Variants in CRISPLD2 observed in about 807,000 individuals in gnomAD.
The protein encoded by CRISPLD2 is cysteine-rich secretory protein LCCL domain-containing 2.
A neutral mutation model predicts 71.1 loss-of-function variants in CRISPLD2; 47 were observed. The observed-to-expected ratio is 0.66, with a 90% CI of 0.52 to 0.84. The LOEUF (loss-of-function observed/expected upper bound fraction) is 0.84. Ranked by LOEUF, CRISPLD2 falls within the 40% of genes least tolerant of loss-of-function variation. CRISPLD2 has a pLI of 0.00. For synonymous variants in CRISPLD2, 317 were observed against 250.1 expected, an observed-to-expected ratio of 1.27 and a Z score of -2.52; for missense variants, 830 against 651.1, an observed-to-expected ratio of 1.27 and a Z score of -2.99.
At chr16:84,834,980 T>G (rs538380222) in intron 1 of CRISPLD2, among the ~76,000 whole-genome samples, 72 of 152,288 alleles carry the variant, frequency 4.7e-4, no homozygotes, top group African/African-American at 1.7e-3. Context: ...GTGTGTGAGT[T>G]TGGGGAAAAC....
At chr16:84,873,503 C>CAAAAAAAAAAAAAAAAAA (rs1333411767) in intron 10 of CRISPLD2, 1 of 88,668 alleles carries the variant, frequency 1.1e-5, no homozygotes, top group Non-Finnish European at 2.0e-5. Flanking sequence ...AAAACAACAA[C>CAAAAAAAAAAAAAAAAAA]AACAAAAAAA....
chr16:84,898,290 C>T (rs1017701553), intron 14 of CRISPLD2, among the ~76,000 whole-genome samples: 1 of 152,230 alleles, frequency 6.6e-6, no homozygotes, highest in Non-Finnish European at 1.5e-5. Context: ...GGCTCCCCCG[C>T]CAGTGGCTTT....
Position 84,872,452 on chromosome 16 carries a change from C to T in CRISPLD2, c.925C>T (p.Pro309Ser), listed in dbSNP as rs564309410. Residue 309 changes from proline to serine, a missense_variant, in exon 9 of 15, where the codon CCA (proline) becomes TCA (serine). By Grantham distance (74) the Pro-to-Ser change is moderately conservative (BLOSUM62 -1). Transcript: ENST00000262424. Reference sequence around the variant, plus strand: ...TTTCTTCCTCGTCAGGTACCAGTGCCCAGCAGGCTGCCTGAACCACAAGGC... The same window carrying T: ...TTTCTTCCTCGTCAGGTACCAGTGCTCAGCAGGCTGCCTGAACCACAAGGC... ...KGSTCNRYQC[P>S]AGCLNHKAKI... 1 of 1,613,838 alleles carries T rather than the reference C, an allele frequency of 6.2e-7. No individual in the cohort carries two copies. The highest frequency in any genetic ancestry group is 2.2e-5 in the East Asian group (1 of 44,872).
At chr16:84,873,503 C>CAAAAAAAAAAAAAAAAAAAAAAAAAAAA (rs1333411767) in intron 10 of CRISPLD2, 6 of 88,650 alleles carry the variant, frequency 6.8e-5, no homozygotes, top group Non-Finnish European at 9.8e-5. Context: ...AAAACAACAA[C>CAAAAAAAAAAAAAAAAAAAAAAAAAAAA]AACAAAAAAA....
chr16:84,873,385 C>T lies in CRISPLD2; in HGVS notation c.1112+263C>T, dbSNP rs984661674. The T allele has an allele frequency of 4.2e-5, 10 of 240,904 alleles. No homozygotes were observed. In the East Asian group the frequency reaches 4.5e-4, roughly 11 times the overall value. 14.9% of individuals were successfully genotyped at this position (240,904 alleles called of 1,614,324 possible). A position where few individuals can be genotyped will look rare whatever the true frequency, so the allele number is the denominator to read the frequency against. ...CCCAGCTACTCTCAGGAGGCTACGG[C>T]AGAAGAACCGCTTGAGGCCGAGGCA... On this transcript the variant is annotated intron_variant, in intron 10 of 14. Transcript: ENST00000262424.
chr16:84,877,298 G>T (rs1457921054), intron 11 of CRISPLD2, 140 bp from the exon 12 acceptor site: 1 of 643,732 alleles, frequency 1.6e-6, no homozygotes, highest in South Asian at 2.3e-5. Context: ...CGAGGAGCCT[G>T]CTGGGTCGTA....
At chr16:84,849,581 C>G in intron 4 of CRISPLD2, 64 bp downstream of exon 4, 6 of 1,487,644 alleles carry the variant, frequency 4.0e-6, no homozygotes, top group Non-Finnish European at 4.6e-6. Flanking sequence ...ACCCCCTGCC[C>G]CTGGGGGATT....
At chr16:84,875,335 G>A (rs981487669) in intron 11 of CRISPLD2, among the ~76,000 whole-genome samples, 6 of 151,248 alleles carry the variant, frequency 4.0e-5, no homozygotes, top group African/African-American at 1.5e-4. Flanking sequence ...CAGCCCATGG[G>A]CTGCATGTAG....
intron 3 of CRISPLD2, among the ~76,000 whole-genome samples, chr16:84,847,291 C>G (rs755656044): frequency 6.6e-6 from 1 of 152,164 alleles, no homozygotes; most frequent in Non-Finnish European, 1.5e-5. Context: ...GTGGATCGAC[C>G]GCGGTGACTT....
chr16:84,889,408 A>T (rs200432925), intron 14 of CRISPLD2, 45 bp downstream of exon 14: 10 of 1,574,462 alleles, frequency 6.4e-6, no homozygotes, highest in Non-Finnish European at 8.6e-6. Context: ...CCCGGCTGCT[A>T]ATGGTCCCTC....
chr16:84,834,381 C>T (rs187750301), intron 1 of CRISPLD2, among the ~76,000 whole-genome samples: 104 of 152,340 alleles, frequency 6.8e-4, no homozygotes, highest in Middle Eastern at 6.8e-3. Flanking sequence ...GGAAGTGCTT[C>T]GGTCCCGGTT....
At chr16:84,853,231 G>A (rs576068459) in intron 5 of CRISPLD2, among the ~76,000 whole-genome samples, 2 of 152,146 alleles carry the variant, frequency 1.3e-5, no homozygotes, top group Non-Finnish European at 1.5e-5. Context: ...GCAGTGGGAC[G>A]TACCCACGAC....
chr16:84,829,392 C>G (rs549482185), intron 1 of CRISPLD2: 1 of 152,374 alleles, frequency 6.6e-6, no homozygotes, highest in South Asian at 2.1e-4. Context: ...GTCAAGGGAT[C>G]TGCCAGAGAC....
intron 13 of CRISPLD2, among the ~76,000 whole-genome samples, chr16:84,884,010 A>T (rs2071590575): frequency 1.3e-5 from 2 of 151,834 alleles, no homozygotes; most frequent in Admixed American, 1.3e-4. Context: ...ACACCCAGCT[A>T]ATCTTTGTAT....
intron 1 of CRISPLD2, among the ~76,000 whole-genome samples, chr16:84,831,078 G>A (rs887164039): frequency 6.6e-6 from 1 of 152,214 alleles, no homozygotes; most frequent in East Asian, 1.9e-4. Flanking sequence ...GAGGGAGGCT[G>A]AGAGTCAGAG....
chr16:84,850,241 C>T (rs1346353722), intron 4 of CRISPLD2, among the ~76,000 whole-genome samples: 2 of 152,044 alleles, frequency 1.3e-5, no homozygotes, highest in Admixed American at 1.3e-4. Flanking sequence ...TAGGTGCCTG[C>T]CACCACGCCC....
chr16:84,832,017 G>C (rs561046098), intron 1 of CRISPLD2, among the ~76,000 whole-genome samples: 3 of 152,262 alleles, frequency 2.0e-5, no homozygotes, highest in Non-Finnish European at 2.9e-5. Context: ...TTGCAGGCGT[G>C]AGCCGCCATG....
chr16:84,855,048 G>C (rs1917200061), intron 6 of CRISPLD2, among the ~76,000 whole-genome samples: 1 of 152,124 alleles, frequency 6.6e-6, no homozygotes, highest in South Asian at 2.1e-4. Context: ...ACTGCCCCGA[G>C]ACATGGCTTC....
intron 1 of CRISPLD2, among the ~76,000 whole-genome samples, chr16:84,835,207 C>T (rs1041647233): frequency 1.3e-5 from 2 of 152,136 alleles, no homozygotes; most frequent in Admixed American, 6.5e-5. Flanking sequence ...TCTCCTGCCT[C>T]GGCCTGCCAA....
Sources: gnomAD v4.1 joint callset for allele counts (sites outside exome capture counted in the v4.1 genomes callset) on GRCh38, gnomAD v4.1.1 for gene constraint, MANE v1.5 for transcripts, NCBI Gene and HGNC (gene_info 2026-07-23, HGNC 2026-07-21) for gene names.